The following AGBL1 variants were observed in gnomAD, a reference collection of about 807,000 sequenced individuals.
AGBL1 encodes the protein cytosolic carboxypeptidase 4.
AGBL1 carries 130 observed loss-of-function variants against 118.9 expected under a neutral mutation model. The observed-to-expected ratio is 1.09, with a 90% CI of 0.95 to 1.26. The LOEUF (loss-of-function observed/expected upper bound fraction) is 1.26. Ranked by LOEUF, AGBL1 falls within the 50% of genes most tolerant of loss-of-function variation. AGBL1 has a pLI of 0.00. For synonymous variants in AGBL1, 555 were observed against 478.9 expected (o/e 1.16, Z -2.08); for missense variants, 1,584 against 1,298.1 (o/e 1.22, Z -3.38).
At chr15:86,495,694 A>G (rs1346833703) in intron 18 of AGBL1, among the ~76,000 whole-genome samples, 1 of 152,012 alleles carries the variant, frequency 6.6e-6, no homozygotes, top group Non-Finnish European at 1.5e-5. Flanking sequence ...TTTGAAATGT[A>G]GTGAGTCTTA....
intron 21 of AGBL1, among the ~76,000 whole-genome samples, chr15:86,671,185 C>T (rs891976924): frequency 2.6e-4 from 39 of 151,996 alleles, no homozygotes; most frequent in Admixed American, 2.0e-3. Flanking sequence ...GTGCTGGTGC[C>T]GTTGTGCCAC....
chr15:86,360,319 C>CT (rs570573457), intron 17 of AGBL1, among the ~76,000 whole-genome samples: 36,179 of 135,926 alleles, frequency 0.27, 4,652 homozygotes, highest in East Asian at 0.32. Flanking sequence ...GGGTTTTTTC[C>CT]TTTTTTTTTT....
chr15:86,722,979 G>A (rs1286245820), intron 22 of AGBL1, among the ~76,000 whole-genome samples: 3 of 146,446 alleles, frequency 2.0e-5, no homozygotes, highest in Non-Finnish European at 4.5e-5. Context: ...AGTTAGAATG[G>A]CCATCATTAA....
intron 22 of AGBL1, among the ~76,000 whole-genome samples, chr15:86,773,965 A>G (rs2078217241): frequency 1.3e-5 from 2 of 152,070 alleles, no homozygotes; most frequent in African/African-American, 4.8e-5. Flanking sequence ...ACAGCCATAT[A>G]AATCTATTCT....
chr15:87,004,692 A>T (rs1199346172), intron 24 of AGBL1, among the ~76,000 whole-genome samples: 1 of 152,168 alleles, frequency 6.6e-6, no homozygotes, highest in Non-Finnish European at 1.5e-5. Context: ...ATTTACATTT[A>T]AGGTTAATAT....
At chr15:86,244,711 C>A (rs188300091) in intron 6 of AGBL1, among the ~76,000 whole-genome samples, 90 of 152,180 alleles carry the variant, frequency 5.9e-4, no homozygotes, top group African/African-American at 2.1e-3. Flanking sequence ...CTGGGATAAC[C>A]CATTATCAAT....
rs138482480 is a variant in AGBL1 at position 86,853,980 on chromosome 15, C to T, written c.3159-53107C>T. Among the ~76,000 whole-genome samples, 402 of 152,100 alleles carry T rather than the reference C, an allele frequency of 2.6e-3. 4 individuals carry two copies. Among genetic ancestry groups the T allele is most frequent in the African/African-American group, 9.1e-3 (376 of 41,486 alleles). ...AGGGAAATGCTCGATACCCAAGAGC[C>T]GTAAAAGTGGAAAGGACAGCAATTT... On this transcript the variant is annotated intron_variant, in intron 22 of 22. Coordinates refer to ENST00000614907, the MANE Select transcript of AGBL1 (RefSeq NM_001386094.1).
At chr15:86,598,318 AT>A (rs1357346260) in intron 21 of AGBL1, among the ~76,000 whole-genome samples, 2 of 152,168 alleles carry the variant, frequency 1.3e-5, no homozygotes. Flanking sequence ...ATGACAATTA[AT>A]AGTTCACGTA....
intron 19 of AGBL1, 113 bp downstream of exon 19, chr15:86,523,052 C>A: frequency 7.7e-7 from 1 of 1,301,276 alleles, no homozygotes; most frequent in Non-Finnish European, 1.1e-6. Context: ...CTATGTATGA[C>A]AAGATAGAAT....
chr15:86,102,973 T>C (rs1323969174), intron 1 of AGBL1, among the ~76,000 whole-genome samples: 1 of 152,192 alleles, frequency 6.6e-6, no homozygotes, highest in Non-Finnish European at 1.5e-5. Flanking sequence ...CACTTTAAGG[T>C]GTCTCATATG....
At chr15:86,948,161 G>C (rs1392421116) in intron 23 of AGBL1, among the ~76,000 whole-genome samples, 1 of 152,110 alleles carries the variant, frequency 6.6e-6, no homozygotes, top group African/African-American at 2.4e-5. Context: ...CTGACTTGGG[G>C]GGAGGAGGTG....
chr15:86,826,147 A>G (rs1328422727), intron 22 of AGBL1, among the ~76,000 whole-genome samples: 1 of 152,130 alleles, frequency 6.6e-6, no homozygotes, highest in African/African-American at 2.4e-5. Context: ...CGTATAGAAG[A>G]AAAGTTAAAA....
intron 22 of AGBL1, among the ~76,000 whole-genome samples, chr15:86,717,968 C>T (rs963268822): frequency 2.6e-5 from 4 of 152,118 alleles, no homozygotes; most frequent in African/African-American, 4.8e-5. Context: ...ATCTCAGCTA[C>T]TCAGGAGGCT....
intron 22 of AGBL1, among the ~76,000 whole-genome samples, chr15:86,818,773 G>C (rs1257032043): frequency 3.3e-5 from 5 of 152,124 alleles, no homozygotes; most frequent in African/African-American, 1.2e-4. Context: ...TAGTAATTTT[G>C]GAACCAGACA....
intron 6 of AGBL1, among the ~76,000 whole-genome samples, chr15:86,244,530 GAA>G (rs1458818496): frequency 6.6e-6 from 1 of 151,688 alleles, no homozygotes; most frequent in Non-Finnish European, 1.5e-5. Context: ...GGTCGCGGGG[GAA>G]GGAGGTTTAG....
intron 17 of AGBL1, among the ~76,000 whole-genome samples, chr15:86,369,139 CAA>C (rs1224779631): frequency 2.6e-5 from 4 of 152,062 alleles, no homozygotes; most frequent in African/African-American, 7.2e-5. Context: ...GAATAATAAA[CAA>C]GAGATGACAG....
At chr15:86,088,998 G>A (rs1427984495) in intron 1 of AGBL1, among the ~76,000 whole-genome samples, 3 of 152,144 alleles carry the variant, frequency 2.0e-5, no homozygotes, top group African/African-American at 7.2e-5. Flanking sequence ...CTCAATAAAT[G>A]TTTGTTGATT....
At chr15:86,389,791 A>G (rs2141977772) in intron 17 of AGBL1, among the ~76,000 whole-genome samples, 1 of 152,238 alleles carries the variant, frequency 6.6e-6, no homozygotes, top group Non-Finnish European at 1.5e-5. Flanking sequence ...ACTTAAGCTA[A>G]TAGAGGAGAA....
At chr15:86,787,441 C>A (rs1351294428) in intron 22 of AGBL1, among the ~76,000 whole-genome samples, 1 of 152,092 alleles carries the variant, frequency 6.6e-6, no homozygotes, top group Non-Finnish European at 1.5e-5. Context: ...CCTCCCCTAC[C>A]CTAGTAATTG....
Sources: allele counts gnomAD v4.1 joint callset (sites outside exome capture counted in the v4.1 genomes callset), GRCh38; gene constraint gnomAD v4.1.1; transcripts MANE v1.5; gene names NCBI Gene and HGNC (gene_info 2026-07-23, HGNC 2026-07-21).